Variants in SNX25 observed in about 807,000 individuals in gnomAD.
The protein encoded by SNX25 is sorting nexin 25.
A neutral mutation model predicts 113.7 loss-of-function variants in SNX25; 62 were observed. The observed-to-expected ratio is 0.55, with a 90% CI of 0.44 to 0.67. SNX25 has a LOEUF of 0.67. Ranked by LOEUF, SNX25 falls within the 30% of genes least tolerant of loss-of-function variation. The probability of loss-of-function intolerance (pLI) is 0.00; values close to 1 mark genes in which losing one functional copy is unlikely to be tolerated. For synonymous variants in SNX25, 421 were observed against 436.2 expected, an observed-to-expected ratio of 0.97 and a Z score of 0.43; for missense variants, 1,014 against 1,161.0, an observed-to-expected ratio of 0.87 and a Z score of 1.84.
At chr4:185,366,938 C>T (rs954050069), downstream of SNX25, 1 of 396,210 alleles carries the variant, frequency 2.5e-6, no homozygotes, top group South Asian at 4.5e-5. Flanking sequence ...GATATGGTCT[C>T]GGCCAGTCTG....
chr4:185,214,206 TAAA>T (rs1179158289), intron 1 of SNX25, among the ~76,000 whole-genome samples: 1 of 151,918 alleles, frequency 6.6e-6, no homozygotes. Context: ...TCTCCTAAGT[TAAA>T]AAATAAATAG....
At chr4:185,342,919 C>A (rs1285457848) in intron 12 of SNX25, among the ~76,000 whole-genome samples, 1 of 152,052 alleles carries the variant, frequency 6.6e-6, no homozygotes, top group African/African-American at 2.4e-5. Context: ...GAGACGGAGT[C>A]CTGCTCTGTC....
At chr4:185,318,393 A>G (rs760215661) in intron 7 of SNX25, among the ~76,000 whole-genome samples, 1 of 152,214 alleles carries the variant, frequency 6.6e-6, no homozygotes, top group Admixed American at 6.5e-5. Context: ...ACAGCAGTCC[A>G]TACTCGATTG....
chr4:185,350,051 A>AT (rs1280821836), intron 13 of SNX25, among the ~76,000 whole-genome samples: 1 of 152,208 alleles, frequency 6.6e-6, no homozygotes, highest in Non-Finnish European at 1.5e-5. Flanking sequence ...GGCACTGCCC[A>AT]TCCCCCTTAA....
intron 14 of SNX25, 44 bp from the exon 15 acceptor site, chr4:185,353,441 C>T (rs2095325236): frequency 6.8e-7 from 1 of 1,476,546 alleles, no homozygotes; most frequent in East Asian, 2.3e-5. Flanking sequence ...TACCAATTTT[C>T]TTGGATAAGT....
intron 2 of SNX25, 28 bp from the exon 3 acceptor site, chr4:185,258,820 T>C (rs771234316): frequency 7.0e-6 from 11 of 1,570,118 alleles, no homozygotes; most frequent in Non-Finnish European, 9.6e-6. Flanking sequence ...TCATTTGTTT[T>C]ACTCATTGCT....
chr4:185,376,375 T>C, the SNX25 span, among the ~76,000 whole-genome samples: 1 of 151,888 alleles, frequency 6.6e-6, no homozygotes, highest in African/African-American at 2.4e-5. Flanking sequence ...CCTCCTGGGT[T>C]CAAGCGATTC....
chr4:185,355,158 C>T (rs1356516739), intron 15 of SNX25, among the ~76,000 whole-genome samples: 1 of 152,214 alleles, frequency 6.6e-6, no homozygotes, highest in African/African-American at 2.4e-5. Flanking sequence ...GTATCTACTA[C>T]AATGCCTGAC....
chr4:185,271,547 C>G (rs1224098127), intron 5 of SNX25, among the ~76,000 whole-genome samples: 1 of 152,190 alleles, frequency 6.6e-6, no homozygotes, highest in East Asian at 1.9e-4. Flanking sequence ...CCGTGCCCGG[C>G]CTGGAACTGT....
rs964046698 is a variant in SNX25 at position 185,210,628 on chromosome 4, C to T, written c.429+373C>T. Among the ~76,000 whole-genome samples, 1 of 151,968 alleles carries T rather than the reference C, an allele frequency of 6.6e-6. No homozygotes were observed. Among genetic ancestry groups the T allele is most frequent in the Admixed American group, 6.6e-5 (1 of 15,242 alleles). The stretch of plus-strand genomic sequence containing the variant: ...CTACGTGCAGGCTCTGCGCACGGTC[C>T]TGGCGATCCGCTTGGTTCTTCTGGC... On this transcript the variant is annotated intron_variant, in intron 1 of 18. Coordinates refer to ENST00000652585, the MANE Select transcript of SNX25 (RefSeq NM_001378034.2). The surrounding 1 kb of genome is among the most constrained non-coding windows in gnomAD (Gnocchi z 4.4).
chr4:185,279,347 C>T (rs1478810306), intron 5 of SNX25, among the ~76,000 whole-genome samples: 1 of 152,088 alleles, frequency 6.6e-6, no homozygotes, highest in African/African-American at 2.4e-5. Flanking sequence ...CCTCAGTGTT[C>T]TGTTCAAATA....
intron 6 of SNX25, among the ~76,000 whole-genome samples, chr4:185,299,771 G>C (rs1204418290): frequency 6.6e-6 from 1 of 152,114 alleles, no homozygotes; most frequent in Non-Finnish European, 1.5e-5. Flanking sequence ...AATGAGCCCA[G>C]CATATCTCCC....
At chr4:185,264,679 T>C in intron 4 of SNX25, 69 bp downstream of exon 4, 1 of 1,473,876 alleles carries the variant, frequency 6.8e-7, no homozygotes, top group Non-Finnish European at 9.4e-7. Context: ...GCAGACCTTG[T>C]TTACTGTTGA....
chr4:185,293,367 G>A (rs1221476667), intron 6 of SNX25, among the ~76,000 whole-genome samples: 1 of 152,064 alleles, frequency 6.6e-6, no homozygotes, highest in Admixed American at 6.6e-5. Context: ...GGCAAAAATT[G>A]GAAACAACCA....
rs1478954712 is a variant in SNX25 at position 185,210,423 on chromosome 4, C to A, written c.429+168C>A. Among the ~76,000 whole-genome samples, 1 of 137,338 alleles carries A rather than the reference C, an allele frequency of 7.3e-6. No homozygotes were observed. The highest frequency in any genetic ancestry group is 2.0e-4 in the East Asian group (1 of 5,118). The allele number at this position is 137,338 out of a possible 152,430, so 90.1% of individuals were successfully genotyped here. A position where few individuals can be genotyped will look rare whatever the true frequency, so the allele number is the denominator to read the frequency against. ...GGCCGTGGACGCGAGCGTTCCCCGG[C>A]GCCCGCGCGCGGCGGGCTCCGGGCT... On this transcript the variant is annotated intron_variant, in intron 1 of 18. Coordinates refer to ENST00000652585, the MANE Select transcript of SNX25 (RefSeq NM_001378034.2). The surrounding 1 kb of genome is among the most constrained non-coding windows in gnomAD (Gnocchi z 4.4).
chr4:185,240,247 T>G (rs925501929), intron 1 of SNX25, among the ~76,000 whole-genome samples: 2 of 152,148 alleles, frequency 1.3e-5, no homozygotes, highest in Non-Finnish European at 2.9e-5. Flanking sequence ...AAAACCGCCA[T>G]TGTCATCATG....
rs183191298 is a variant in SNX25 at position 185,321,314 on chromosome 4, G to A, written c.1476+450G>A. Among the ~76,000 whole-genome samples the A allele has an allele frequency of 2.0e-4, 30 of 148,948 alleles. No individual in the cohort carries two copies. The East Asian group carries it at 5.5e-3, about 28-fold the overall frequency. On this transcript the variant is annotated intron_variant, in intron 8 of 18. Transcript: ENST00000652585. ...GCCTTACTCTTTTACCCAGGCTGGA[G>A]TGCAGTGGGGCGATCTCGGCTCACT...
At position 185,339,477 on chromosome 4, in the gene SNX25, T is replaced by C. The variant is rs760350618; in HGVS notation, c.2013T>C (p.Leu671=). 2.5e-6 allele frequency: 4 copies of C among 1,614,056 alleles called. No individual in the cohort carries two copies. Among genetic ancestry groups the C allele is most frequent in the Non-Finnish European group, 3.4e-6 (4 of 1,179,928 alleles). ...MARTDWWCEN[L]GMWKASITSG... ...GAACGGATTGGTGGTGTGAAAACCT[T>C]GGCATGTGGAAAGCCTCCATCACCA... Residue 671 remains leucine, a synonymous_variant, in exon 11 of 19, where the codon CTT becomes CTC. Transcript: ENST00000652585.
downstream of SNX25, among the ~76,000 whole-genome samples, chr4:185,372,613 G>A (rs1055902901): frequency 6.6e-5 from 10 of 152,126 alleles, no homozygotes; most frequent in African/African-American, 2.4e-4. Context: ...ATCAAGAGGT[G>A]GGGCTCTTAA....
Sources: allele counts gnomAD v4.1 joint callset (sites outside exome capture counted in the v4.1 genomes callset), GRCh38; gene constraint gnomAD v4.1.1; non-coding constraint Gnocchi (gnomAD v3.1); transcripts MANE v1.5; gene names NCBI Gene and HGNC (gene_info 2026-07-23, HGNC 2026-07-21).